The following RORA variants were observed in gnomAD, a reference collection of about 807,000 sequenced individuals.
RORA encodes nuclear receptor ROR-alpha.
In RORA, 7 loss-of-function variants were observed where a neutral mutation model predicts 69.5. The ratio of observed to expected loss-of-function variants is 0.10; its 90% CI spans 0.06 to 0.19. The LOEUF is 0.19. Ranked by LOEUF, RORA falls within the 10% of genes least tolerant of loss-of-function variation. The pLI, the probability that RORA is intolerant of heterozygous loss-of-function variation, is 1.00. For synonymous variants in RORA, 261 were observed against 240.8 expected (o/e 1.08, Z -0.78); for missense variants, 457 against 663.0 (o/e 0.69, Z 3.41).
At chr15:60,819,743 C>CCACACA (rs1191801506) in intron 1 of RORA, among the ~76,000 whole-genome samples, 15 of 74,780 alleles carry the variant, frequency 2.0e-4, no homozygotes, top group African/African-American at 9.9e-4. Context: ...GAAGTCAAAC[C>CCACACA]CAGACACACA....
intron 5 of RORA, among the ~76,000 whole-genome samples, chr15:60,506,126 G>A (rs568418247): frequency 6.6e-6 from 1 of 152,300 alleles, no homozygotes; most frequent in South Asian, 2.1e-4. Context: ...GGCCTACCAT[G>A]TGGCTATGCA....
Position 61,128,756 on chromosome 15 carries a change from T to A in RORA, c.166+100297A>T, listed in dbSNP as rs1262888361. On this transcript the variant is annotated intron_variant, in intron 1 of 10. Transcript: ENST00000335670. The surrounding 1 kb of genome is among the most constrained non-coding windows in gnomAD (Gnocchi z 4.5). Reference sequence around the variant, plus strand: ...GGGAGTAAAAGCAGATCACAAAGGATCTAGTGTCTCAGAACACAACCAAAT... The same window carrying A: ...GGGAGTAAAAGCAGATCACAAAGGAACTAGTGTCTCAGAACACAACCAAAT... 3.9e-5 allele frequency among the ~76,000 whole-genome samples: 6 copies of A among 152,138 alleles called. No homozygotes were observed. The highest frequency in any genetic ancestry group is 1.3e-4 in the Admixed American group (2 of 15,282).
chr15:60,560,538 A>T (rs1040858892), intron 2 of RORA, among the ~76,000 whole-genome samples: 1 of 152,132 alleles, frequency 6.6e-6, no homozygotes, highest in African/African-American at 2.4e-5. Context: ...AAAAAAAAAA[A>T]ATTAGCCGAG....
In RORA at chr15:61,161,640, T is replaced by C. The variant is rs573130587; in HGVS notation, c.166+67413A>G. Among the ~76,000 whole-genome samples the C allele has an allele frequency of 4.0e-5, 6 of 151,704 alleles. No individual in the cohort carries two copies. In the South Asian group the frequency reaches 8.3e-4, roughly 21 times the overall value. On this transcript the variant is annotated intron_variant, in intron 1 of 10. Coordinates refer to ENST00000335670, the MANE Select transcript of RORA (RefSeq NM_134261.3). ...ACTACTGGGCTTGGGTGCACATAAC[T>C]ACAAAAATAGAATCTCAAAAAAAAA...
At chr15:60,523,552 G>T (rs149089756) in intron 3 of RORA, among the ~76,000 whole-genome samples, 14 of 152,310 alleles carry the variant, frequency 9.2e-5, no homozygotes, top group Non-Finnish European at 1.9e-4. Context: ...TGGCTGGCCT[G>T]AGCCTCATCC....
At chr15:61,151,970 T>C (rs1364219384) in intron 1 of RORA, among the ~76,000 whole-genome samples, 1 of 152,194 alleles carries the variant, frequency 6.6e-6, no homozygotes, top group Admixed American at 6.5e-5. Flanking sequence ...TCTAGAGTTG[T>C]GGAAAATCGT....
At chr15:61,115,585 T>C (rs998110816) in intron 1 of RORA, among the ~76,000 whole-genome samples, 1 of 152,096 alleles carries the variant, frequency 6.6e-6, no homozygotes, top group Non-Finnish European at 1.5e-5. Context: ...TTTTCCCTCA[T>C]AAGGTACCAG....
chr15:60,867,027 G>A (rs1042238426), intron 1 of RORA, among the ~76,000 whole-genome samples: 10 of 151,856 alleles, frequency 6.6e-5, no homozygotes, highest in East Asian at 1.9e-4. Context: ...CACCATGCCC[G>A]GCTAATTTTT....
chr15:61,019,519 G>C (rs16943506), intron 1 of RORA, among the ~76,000 whole-genome samples: 14,409 of 152,156 alleles, frequency 0.095, 765 homozygotes, highest in African/African-American at 0.12. Context: ...GGAAGGTTTT[G>C]TCTTCGTGCT....
intron 1 of RORA, among the ~76,000 whole-genome samples, chr15:60,986,193 G>C (rs7172132): frequency 0.11 from 16,485 of 151,934 alleles, 1,209 homozygotes; most frequent in African/African-American, 0.21. Context: ...GAGTGCAGTG[G>C]TGAGATCTCG....
At position 61,156,566 on chromosome 15, in the gene RORA, A is replaced by G. The variant is rs141370587; in HGVS notation, c.166+72487T>C. Among the ~76,000 whole-genome samples the G allele has an allele frequency of 3.4e-3, 525 of 152,236 alleles. 1 individual carries two copies. The highest frequency in any genetic ancestry group is 5.8e-3 in the Non-Finnish European group (392 of 68,014). On this transcript the variant is annotated intron_variant, in intron 1 of 10. Transcript: ENST00000335670. Reference sequence around the variant, plus strand: ...CCCAGCAGGAATCTGTGGGAGTGAAAAGCAAACAGGAAGCCTGAGACCCTA... The same window carrying G: ...CCCAGCAGGAATCTGTGGGAGTGAAGAGCAAACAGGAAGCCTGAGACCCTA...
intron 1 of RORA, among the ~76,000 whole-genome samples, chr15:61,044,931 T>C (rs1004116927): frequency 3.3e-5 from 5 of 152,246 alleles, no homozygotes; most frequent in African/African-American, 1.2e-4. Context: ...GAGAAATATT[T>C]GTTGAATGAA....
At chr15:61,195,508 C>T (rs953154843) in intron 1 of RORA, among the ~76,000 whole-genome samples, 3 of 152,064 alleles carry the variant, frequency 2.0e-5, no homozygotes, top group African/African-American at 7.2e-5. Flanking sequence ...ACACACAAAC[C>T]ATGACTCCCA....
At chr15:60,554,507 A>G (rs531789074) in intron 2 of RORA, among the ~76,000 whole-genome samples, 4 of 152,350 alleles carry the variant, frequency 2.6e-5, no homozygotes, top group Non-Finnish European at 5.9e-5. Context: ...AATAGCTAGA[A>G]TTAATTACAG....
chr15:60,947,278 G>C lies in RORA; in HGVS notation c.167-268592C>G, dbSNP rs564974797. Among the ~76,000 whole-genome samples the C allele has an allele frequency of 6.9e-4, 105 of 152,346 alleles. 1 individual carries two copies. The highest frequency in any genetic ancestry group is 6.8e-3 in the Middle Eastern group (2 of 294). ...GGGGGAAATGTGGGGAAAAGATAGAGAAATCAGATTGTTGCTGTGTCTGTG... is the reference window on the plus strand; with the variant it reads ...GGGGGAAATGTGGGGAAAAGATAGACAAATCAGATTGTTGCTGTGTCTGTG... On this transcript the variant is annotated intron_variant, in intron 1 of 10. Coordinates refer to ENST00000335670, the MANE Select transcript of RORA (RefSeq NM_134261.3).
At chr15:60,673,121 C>A (rs1038942428) in intron 2 of RORA, among the ~76,000 whole-genome samples, 5 of 152,156 alleles carry the variant, frequency 3.3e-5, no homozygotes, top group African/African-American at 9.7e-5. Flanking sequence ...AGTGGGAATA[C>A]AAATACTTTT....
At chr15:60,753,444 C>A (rs1188634382) in intron 1 of RORA, among the ~76,000 whole-genome samples, 2 of 152,208 alleles carry the variant, frequency 1.3e-5, no homozygotes, top group African/African-American at 4.8e-5. Context: ...AGCTTATGTC[C>A]TAGCGGAACA....
chr15:60,592,007 G>A (rs1302666793), intron 2 of RORA, among the ~76,000 whole-genome samples: 1 of 152,002 alleles, frequency 6.6e-6, no homozygotes, highest in Non-Finnish European at 1.5e-5. Context: ...CCTGGGGACC[G>A]GCCGCGGGCG....
chr15:61,182,792 A>G (rs1595340), intron 1 of RORA: 150,075 of 152,356 alleles, frequency 0.99, 73,964 homozygotes, highest in Middle Eastern at 1. Flanking sequence ...ACAATATACC[A>G]ATGATATGAT....
Sources: gnomAD v4.1 joint callset for allele counts (sites outside exome capture counted in the v4.1 genomes callset) on GRCh38, gnomAD v4.1.1 for gene constraint, Gnocchi (gnomAD v3.1) non-coding constraint, MANE v1.5 for transcripts, NCBI Gene and HGNC (gene_info 2026-07-23, HGNC 2026-07-21) for gene names.